Variants in ASIC2 observed in about 807,000 individuals in gnomAD.
ASIC2 encodes acid sensing ion channel subunit 2.
In ASIC2, 25 loss-of-function variants were observed where a neutral mutation model predicts 57.3. The ratio of observed to expected loss-of-function variants is 0.44; its 90% CI spans 0.32 to 0.61. The LOEUF (loss-of-function observed/expected upper bound fraction) is 0.61. Ranked by LOEUF, ASIC2 falls within the 20% of genes least tolerant of loss-of-function variation. The probability of loss-of-function intolerance (pLI) is 0.06; values close to 1 mark genes in which losing one functional copy is unlikely to be tolerated. For synonymous variants in ASIC2, 319 were observed against 307.5 expected (o/e 1.04, Z -0.39); for missense variants, 641 against 738.1 (o/e 0.87, Z 1.52).
intron 1 of ASIC2, among the ~76,000 whole-genome samples, chr17:33,215,502 G>A (rs796958793): frequency 2.8e-4 from 42 of 152,204 alleles, no homozygotes; most frequent in African/African-American, 9.9e-4. Flanking sequence ...AAATGTTAAT[G>A]TTATAAAGGA....
intron 1 of ASIC2, chr17:34,037,468 T>G (rs1907934113): frequency 1.3e-6 from 1 of 768,008 alleles, no homozygotes; most frequent in Non-Finnish European, 2.0e-6. Context: ...ATCGATGCTG[T>G]CATGCTCTAT....
intron 1 of ASIC2, among the ~76,000 whole-genome samples, chr17:33,594,634 C>G (rs1395590081): frequency 6.6e-6 from 1 of 152,006 alleles, no homozygotes; most frequent in Non-Finnish European, 1.5e-5. Flanking sequence ...CGAGACCATC[C>G]TGGCTAACAC....
At chr17:34,036,282 A>C (rs1234948489) in intron 1 of ASIC2, among the ~76,000 whole-genome samples, 1 of 150,014 alleles carries the variant, frequency 6.7e-6, no homozygotes, top group African/African-American at 2.5e-5. Flanking sequence ...ACAAAAAACC[A>C]AACATCGCAT....
At chr17:33,049,054 A>G (rs2106839) in intron 3 of ASIC2, among the ~76,000 whole-genome samples, 138,584 of 152,242 alleles carry the variant, frequency 0.91, 63,113 homozygotes, top group East Asian at 0.95. Flanking sequence ...GAAGGGGCAG[A>G]TGGTGTACCA....
intron 1 of ASIC2, among the ~76,000 whole-genome samples, chr17:34,008,459 A>C (rs1218827057): frequency 6.6e-6 from 1 of 152,200 alleles, no homozygotes; most frequent in Non-Finnish European, 1.5e-5. Context: ...ATTCTAGGGC[A>C]AGAAAATCAT....
chr17:33,406,646 A>G (rs1192375632), intron 1 of ASIC2, among the ~76,000 whole-genome samples: 4 of 152,246 alleles, frequency 2.6e-5, no homozygotes, highest in Non-Finnish European at 4.4e-5. Context: ...ATAGATTAAA[A>G]TGTGTAAAAC....
intron 1 of ASIC2, among the ~76,000 whole-genome samples, chr17:33,649,148 A>G (rs1329679553): frequency 6.6e-6 from 1 of 152,252 alleles, no homozygotes; most frequent in Non-Finnish European, 1.5e-5. Context: ...GTGATTGTCT[A>G]CATATAAAGT....
chr17:33,457,746 G>A (rs1912500599), intron 1 of ASIC2, among the ~76,000 whole-genome samples: 2 of 152,172 alleles, frequency 1.3e-5, no homozygotes, highest in Non-Finnish European at 2.9e-5. Flanking sequence ...CTGGCCAAGG[G>A]CTTTGCATGC....
At chr17:33,280,228 A>G (rs1904885264) in intron 1 of ASIC2, among the ~76,000 whole-genome samples, 1 of 152,164 alleles carries the variant, frequency 6.6e-6, no homozygotes, top group East Asian at 1.9e-4. Flanking sequence ...CGGAATTATA[A>G]AAACAAAACT....
chr17:34,129,540 T>C (rs917194361), intron 1 of ASIC2, among the ~76,000 whole-genome samples: 2 of 152,030 alleles, frequency 1.3e-5, no homozygotes, highest in African/African-American at 4.8e-5. Flanking sequence ...AACTAATAAT[T>C]CCCAAAATTA....
At chr17:33,172,598 A>G (rs1475326544) in intron 1 of ASIC2, among the ~76,000 whole-genome samples, 1 of 152,202 alleles carries the variant, frequency 6.6e-6, no homozygotes, top group Non-Finnish European at 1.5e-5. Flanking sequence ...CTAGTTACCC[A>G]TCAAGAGGGA....
chr17:33,635,362 TTTAGG>T (rs1906323771), intron 1 of ASIC2, among the ~76,000 whole-genome samples: 1 of 152,214 alleles, frequency 6.6e-6, no homozygotes, highest in Non-Finnish European at 1.5e-5. Context: ...GAAACAGAAG[TTTAGG>T]TTAGGCAAAT....
intron 1 of ASIC2, chr17:34,002,448 A>G (rs1906377506): frequency 6.6e-6 from 1 of 152,182 alleles, no homozygotes; most frequent in South Asian, 2.1e-4. Flanking sequence ...ATTTTATTGT[A>G]TTTCCTCAGC....
chr17:34,101,676 C>T (rs1453590729), intron 1 of ASIC2, among the ~76,000 whole-genome samples: 2 of 152,180 alleles, frequency 1.3e-5, no homozygotes, highest in African/African-American at 4.8e-5. Flanking sequence ...TTTTTGTTAA[C>T]ATTTATTATA....
At chr17:33,615,460 G>A (rs969462518) in intron 1 of ASIC2, among the ~76,000 whole-genome samples, 5 of 152,160 alleles carry the variant, frequency 3.3e-5, no homozygotes, top group African/African-American at 7.2e-5. Flanking sequence ...TGGACATTGA[G>A]TTGAAGCTAA....
chr17:33,434,825 C>T (rs1911551500), intron 1 of ASIC2, among the ~76,000 whole-genome samples: 1 of 152,176 alleles, frequency 6.6e-6, no homozygotes, highest in African/African-American at 2.4e-5. Flanking sequence ...TATGCAATGG[C>T]TATCTGATTT....
intron 1 of ASIC2, among the ~76,000 whole-genome samples, chr17:33,287,550 A>G (rs1905246979): frequency 6.6e-6 from 1 of 152,238 alleles, no homozygotes; most frequent in Non-Finnish European, 1.5e-5. Flanking sequence ...ATGCCAGGGA[A>G]ACAACACAGG....
chr17:33,289,400 C>A (rs970321664), intron 1 of ASIC2, among the ~76,000 whole-genome samples: 1 of 152,160 alleles, frequency 6.6e-6, no homozygotes, highest in Non-Finnish European at 1.5e-5. Flanking sequence ...CCTCTGCATG[C>A]CACAGGGACA....
At chr17:33,148,921 C>T (rs1196937588) in intron 1 of ASIC2, among the ~76,000 whole-genome samples, 1 of 151,992 alleles carries the variant, frequency 6.6e-6, no homozygotes, top group African/African-American at 2.4e-5. Context: ...TGGTGAAACC[C>T]CATCTCTACT....
Sources: allele counts gnomAD v4.1 joint callset (sites outside exome capture counted in the v4.1 genomes callset), GRCh38; gene constraint gnomAD v4.1.1; transcripts MANE v1.5; gene names NCBI Gene and HGNC (gene_info 2026-07-23, HGNC 2026-07-21).